FBXO28: variants seen among roughly 807,000 people sequenced by gnomAD.
FBXO28 encodes the protein F-box protein 28.
In FBXO28, 8 loss-of-function variants were observed where a neutral mutation model predicts 38.1. The ratio of observed to expected loss-of-function variants is 0.21; its 90% CI spans 0.12 to 0.38. FBXO28 has a LOEUF of 0.38. Ranked by LOEUF, FBXO28 falls within the 10% of genes least tolerant of loss-of-function variation. The pLI, the probability that FBXO28 is intolerant of heterozygous loss-of-function variation, is 1.00. For missense variants in FBXO28, 345 were observed against 460.6 expected, an observed-to-expected ratio of 0.75 and a Z score of 2.30; for synonymous variants, 168 against 173.8, an observed-to-expected ratio of 0.97 and a Z score of 0.26.
intron 3 of FBXO28, among the ~76,000 whole-genome samples, chr1:224,134,879 C>G (rs1031101485): frequency 3.3e-5 from 5 of 152,116 alleles, no homozygotes; most frequent in Admixed American, 1.3e-4. Context: ...GGTCATTTTG[C>G]TACTTGGTTG....
chr1:224,143,156 T>C (rs1334802053), intron 3 of FBXO28, among the ~76,000 whole-genome samples: 1 of 150,098 alleles, frequency 6.7e-6, no homozygotes, highest in Non-Finnish European at 1.5e-5. Context: ...GAGATGGAGG[T>C]TGCAGTGAGC....
At chr1:224,115,874 A>G (rs1178978395) in intron 1 of FBXO28, among the ~76,000 whole-genome samples, 1 of 152,114 alleles carries the variant, frequency 6.6e-6, no homozygotes, top group Non-Finnish European at 1.5e-5. Context: ...GTTGAGAAAA[A>G]CTGAGTTTTA....
At chr1:224,139,937 A>T (rs1163839150) in intron 3 of FBXO28, among the ~76,000 whole-genome samples, 1 of 151,970 alleles carries the variant, frequency 6.6e-6, no homozygotes, top group South Asian at 2.1e-4. Flanking sequence ...TAAAAAAAAA[A>T]TTAATTAGCT....
intron 3 of FBXO28, among the ~76,000 whole-genome samples, chr1:224,151,305 A>G (rs1572025440): frequency 6.6e-6 from 1 of 151,952 alleles, no homozygotes; most frequent in African/African-American, 2.4e-5. Context: ...TACGTACACC[A>G]CCTCAGCCCA....
At chr1:224,128,076 A>G (rs1656946748) in intron 1 of FBXO28, among the ~76,000 whole-genome samples, 1 of 152,028 alleles carries the variant, frequency 6.6e-6, no homozygotes, top group Admixed American at 6.6e-5. Flanking sequence ...GTTTGCCAGG[A>G]TTTTTGTCAG....
intron 3 of FBXO28, among the ~76,000 whole-genome samples, chr1:224,149,147 T>TTTA (rs1196350273): frequency 6.6e-6 from 1 of 152,220 alleles, no homozygotes; most frequent in East Asian, 1.9e-4. Context: ...CTGTGGGTAT[T>TTTA]TTATTAAACA....
intron 3 of FBXO28, among the ~76,000 whole-genome samples, chr1:224,140,196 A>G (rs2172359): frequency 0.93 from 140,883 of 152,260 alleles, 66,059 homozygotes; most frequent in Non-Finnish European, 1. Flanking sequence ...CCTAAAAGCT[A>G]GGATACTCTT....
chr1:224,129,920 G>T (rs1656996162), intron 1 of FBXO28, among the ~76,000 whole-genome samples: 1 of 152,106 alleles, frequency 6.6e-6, no homozygotes, highest in Non-Finnish European at 1.5e-5. Context: ...AACCCAGGAG[G>T]TGGAGCTTGC....
chr1:224,145,988 T>C (rs1657494451), intron 3 of FBXO28, among the ~76,000 whole-genome samples: 2 of 150,710 alleles, frequency 1.3e-5, no homozygotes, highest in Non-Finnish European at 3.0e-5. Flanking sequence ...ACTGCTTGTA[T>C]CCGGGAGGTG....
intron 1 of FBXO28, among the ~76,000 whole-genome samples, chr1:224,125,787 G>A (rs1005156878): frequency 6.6e-6 from 1 of 151,794 alleles, no homozygotes; most frequent in African/African-American, 2.4e-5. Context: ...AATTACAGGC[G>A]CCTGCCACCA....
intron 3 of FBXO28, among the ~76,000 whole-genome samples, chr1:224,141,025 A>C (rs532093407): frequency 2.6e-5 from 4 of 151,832 alleles, no homozygotes; most frequent in Admixed American, 6.6e-5. Flanking sequence ...TCTACTAAAA[A>C]TGCAAAATTA....
chr1:224,157,228 A>T, intron 4 of FBXO28, 124 bp from the exon 5 acceptor site: 1 of 1,193,290 alleles, frequency 8.4e-7, no homozygotes. Flanking sequence ...GACCAAATGG[A>T]TTGCAAAGAA....
intron 4 of FBXO28, among the ~76,000 whole-genome samples, chr1:224,156,439 T>G (rs1337151546): frequency 1.3e-5 from 2 of 152,224 alleles, no homozygotes; most frequent in Admixed American, 6.5e-5. Flanking sequence ...GAGTATCCCT[T>G]ATCCGAATTT....
At chr1:224,127,549 T>G (rs1458116483) in intron 1 of FBXO28, among the ~76,000 whole-genome samples, 1 of 152,226 alleles carries the variant, frequency 6.6e-6, no homozygotes, top group Non-Finnish European at 1.5e-5. Flanking sequence ...TTTGTTTTTT[T>G]CAGTAGACAC....
chr1:224,130,302 A>G (rs1657007260), intron 1 of FBXO28, among the ~76,000 whole-genome samples, 170 bp from the exon 2 acceptor site: 1 of 152,212 alleles, frequency 6.6e-6, no homozygotes, highest in African/African-American at 2.4e-5. Context: ...AGATTGCACC[A>G]CTGCACTCCA....
intron 1 of FBXO28, among the ~76,000 whole-genome samples, chr1:224,115,540 T>C (rs546905991): frequency 3.3e-5 from 5 of 152,216 alleles, no homozygotes; most frequent in African/African-American, 9.6e-5. Flanking sequence ...TTATAAATAT[T>C]AATTCAAACT....
intron 1 of FBXO28, among the ~76,000 whole-genome samples, chr1:224,123,089 A>AAT (rs398103752): frequency 2.0e-5 from 3 of 151,718 alleles, no homozygotes; most frequent in African/African-American, 7.3e-5. Flanking sequence ...TTAAAAAAAA[A>AAT]GGATAGGTTC....
intron 3 of FBXO28, among the ~76,000 whole-genome samples, chr1:224,146,166 G>A (rs770742327): frequency 7.2e-5 from 11 of 151,922 alleles, no homozygotes; most frequent in Non-Finnish European, 1.0e-4. Context: ...CCTGGGAAGC[G>A]GAGGTTGCAG....
intron 3 of FBXO28, among the ~76,000 whole-genome samples, chr1:224,149,325 C>T (rs576312478): frequency 7.4e-5 from 11 of 147,764 alleles, no homozygotes; most frequent in African/African-American, 2.8e-4. Flanking sequence ...GGACTGATCA[C>T]AGCTCATGGG....
Sources: allele counts gnomAD v4.1 joint callset (sites outside exome capture counted in the v4.1 genomes callset), GRCh38; gene constraint gnomAD v4.1.1; transcripts MANE v1.5; gene names NCBI Gene and HGNC (gene_info 2026-07-23, HGNC 2026-07-21).